Variants in RGPD2 observed in about 807,000 individuals in gnomAD.
The protein encoded by RGPD2 is RANBP2 like and GRIP domain containing 2.
A neutral mutation model predicts 36.0 loss-of-function variants in RGPD2; 2 were observed. The ratio of observed to expected loss-of-function variants is 0.06; its 90% CI spans 0.02 to 0.17. RGPD2 has a LOEUF of 0.17. Ranked by LOEUF, RGPD2 falls within the 10% of genes least tolerant of loss-of-function variation. RGPD2 has a pLI of 1.00. For missense variants in RGPD2, 40 were observed against 464.3 expected (o/e 0.09, Z 8.40); for synonymous variants, 19 against 163.8 (o/e 0.12, Z 6.75).
chr2:87,923,275 G>C, the RGPD2 span, among the ~76,000 whole-genome samples: 2 of 152,184 alleles, frequency 1.3e-5, no homozygotes, highest in Admixed American at 1.3e-4. Context: ...AATCCTTCTG[G>C]AGCAGTGCTT....
At chr2:87,961,871 A>G in the RGPD2 span, among the ~76,000 whole-genome samples, 12 of 149,202 alleles carry the variant, frequency 8.0e-5, no homozygotes, top group African/African-American at 1.7e-4. Context: ...TCAACTGTGT[A>G]TATAGGAACA....
At chr2:87,920,268 C>T in the RGPD2 span, among the ~76,000 whole-genome samples, 1 of 151,904 alleles carries the variant, frequency 6.6e-6, no homozygotes, top group Admixed American at 6.6e-5. Flanking sequence ...TAAGAAAACT[C>T]TCAAGTGGGG....
chr2:87,859,692 C>G, the RGPD2 span, among the ~76,000 whole-genome samples: 2 of 152,294 alleles, frequency 1.3e-5, no homozygotes, highest in African/African-American at 4.8e-5. Context: ...GAGATCACCA[C>G]TGACGATCTA....
At chr2:87,978,610 TA>T in the RGPD2 span, among the ~76,000 whole-genome samples, 1 of 67,520 alleles carries the variant, frequency 1.5e-5, no homozygotes, top group Non-Finnish European at 3.4e-5. Context: ...AATTTTAATT[TA>T]AAAGAAATTA....
the RGPD2 span, among the ~76,000 whole-genome samples, chr2:87,873,714 G>T: frequency 2.6e-5 from 4 of 152,042 alleles, no homozygotes; most frequent in African/African-American, 7.2e-5. Flanking sequence ...AGGAGCAAAG[G>T]CTTGTCTTAC....
chr2:87,892,729 A>C, the RGPD2 span, among the ~76,000 whole-genome samples: 18,889 of 107,926 alleles, frequency 0.18, no homozygotes, highest in East Asian at 0.32. Context: ...AGACTATTTG[A>C]TTTCCTGAAG....
chr2:87,840,666 T>C, the RGPD2 span, among the ~76,000 whole-genome samples: 3 of 150,402 alleles, frequency 2.0e-5, no homozygotes. Context: ...TTCAGATGTG[T>C]GAGGAATTCA....
the RGPD2 span, among the ~76,000 whole-genome samples, chr2:87,948,603 A>T: frequency 7.3e-6 from 1 of 136,164 alleles, no homozygotes; most frequent in African/African-American, 2.7e-5. Context: ...CTGGTCTCGA[A>T]CTCCCGACCT....
the RGPD2 span, among the ~76,000 whole-genome samples, chr2:87,969,657 C>CAA: frequency 3.5e-4 from 14 of 40,506 alleles, no homozygotes; most frequent in Admixed American, 1.2e-3. Context: ...GATGCCGTCT[C>CAA]AAAAAAAAAA....
intron 22 of RGPD2, among the ~76,000 whole-genome samples, chr2:87,766,543 G>GTA (rs1301999317): frequency 6.9e-6 from 1 of 144,184 alleles, no homozygotes; most frequent in East Asian, 2.1e-4. Flanking sequence ...GTTTTCATAC[G>GTA]TATATATGTA....
At chr2:87,760,717 A>C (rs1684863113) in intron 22 of RGPD2, among the ~76,000 whole-genome samples, 1 of 26,510 alleles carries the variant, frequency 3.8e-5, no homozygotes, top group African/African-American at 1.5e-4. Context: ...TCCCAGGTTC[A>C]TGCCATTCTC....
chr2:87,951,522 G>A, the RGPD2 span, among the ~76,000 whole-genome samples: 1 of 152,090 alleles, frequency 6.6e-6, no homozygotes, highest in Admixed American at 6.5e-5. Flanking sequence ...TAGTTTTAAT[G>A]TAGTTAGTTC....
At chr2:87,877,320 TG>T in the RGPD2 span, among the ~76,000 whole-genome samples, 1 of 152,264 alleles carries the variant, frequency 6.6e-6, no homozygotes, top group Non-Finnish European at 1.5e-5. Context: ...TACTTCAGTG[TG>T]TTTTTGTAGT....
intron 1 of RGPD2, 136 bp downstream of exon 1, chr2:87,825,522 C>CGGCCCA: frequency 2.3e-6 from 1 of 436,360 alleles, no homozygotes; most frequent in Admixed American, 1.4e-4. Flanking sequence ...GGCCGCCGCC[C>CGGCCCA]GGCCGAGGCC....
At chr2:87,951,483 A>C in the RGPD2 span, among the ~76,000 whole-genome samples, 1 of 152,238 alleles carries the variant, frequency 6.6e-6, no homozygotes, top group South Asian at 2.1e-4. Context: ...GACTCACCTC[A>C]ACTGTACAAA....
chr2:87,915,654 A>G, the RGPD2 span, among the ~76,000 whole-genome samples: 1 of 146,430 alleles, frequency 6.8e-6, no homozygotes, highest in African/African-American at 2.5e-5. Context: ...ACACATATAT[A>G]TGTGTGTATA....
At chr2:87,870,735 CAT>C in the RGPD2 span, among the ~76,000 whole-genome samples, 1 of 151,906 alleles carries the variant, frequency 6.6e-6, no homozygotes, top group South Asian at 2.1e-4. Flanking sequence ...GCCTCACAAA[CAT>C]ATATAATTCA....
the RGPD2 span, among the ~76,000 whole-genome samples, chr2:87,948,087 G>T: frequency 6.6e-6 from 1 of 152,258 alleles, no homozygotes. Context: ...GTTACATTAG[G>T]TTGGTGCAAA....
the RGPD2 span, among the ~76,000 whole-genome samples, chr2:87,937,279 A>G: frequency 6.6e-6 from 1 of 151,816 alleles, no homozygotes; most frequent in African/African-American, 2.4e-5. Flanking sequence ...AGATGTTTGA[A>G]TGTCTAGATG....
Sources: gnomAD v4.1 joint callset for allele counts (sites outside exome capture counted in the v4.1 genomes callset) on GRCh38, gnomAD v4.1.1 for gene constraint, MANE v1.5 for transcripts, NCBI Gene and HGNC (gene_info 2026-07-23, HGNC 2026-07-21) for gene names.